The following CYP4F3 variants were observed in gnomAD, a reference collection of about 807,000 sequenced individuals.
The protein encoded by CYP4F3 is cytochrome P450 family 4 subfamily F member 3.
A neutral mutation model predicts 54.8 loss-of-function variants in CYP4F3; 50 were observed. That is an observed-to-expected ratio of 0.91 (90% confidence interval 0.73 to 1.16). The LOEUF (loss-of-function observed/expected upper bound fraction) is 1.16. Among genes scored for constraint, CYP4F3 ranks in the 50% most tolerant of loss-of-function variants. The pLI is 0.00. For synonymous variants in CYP4F3, 244 were observed against 262.6 expected, an observed-to-expected ratio of 0.93 and a Z score of 0.69; for missense variants, 715 against 676.2, an observed-to-expected ratio of 1.06 and a Z score of -0.64.
rs756680758 is a variant in CYP4F3, at chr19:15,658,325, C to T, written c.1177C>T (p.Pro393Ser). The T allele has an allele frequency of 8.1e-6, 13 of 1,614,120 alleles. No homozygotes were observed. The highest frequency in any genetic ancestry group is 1.1e-5 in the South Asian group (1 of 91,086). The change falls in exon 10 of 13, where the codon CCC (proline) becomes TCC (serine). Residue 393 changes from proline (P) to serine (S), a missense_variant. Coordinates refer to ENST00000221307, the MANE Select transcript of CYP4F3 (RefSeq NM_000896.3). The part of the protein sequence containing the change: ...MCIKESLRLH[P>S]PVPAVSRCCT... ...CATTAAGGAGAGCCTGAGGCTGCAT[C>T]CCCCAGTCCCTGCCGTCTCTCGCTG... is the stretch of plus-strand genomic sequence containing the variant.
chr19:15,656,905 A>G (rs540309508), intron 9 of CYP4F3, among the ~76,000 whole-genome samples: 109 of 152,072 alleles, frequency 7.2e-4, no homozygotes, highest in Non-Finnish European at 9.7e-4. Context: ...AGGGTGCCTT[A>G]ATGCTATCTT....
chr19:15,652,464 A>G, intron 7 of CYP4F3, 105 bp from the exon 8 acceptor site: 2 of 1,540,712 alleles, frequency 1.3e-6, no homozygotes, highest in Non-Finnish European at 1.8e-6. Context: ...GTTTCTCGAA[A>G]GAGGATGAAT....
chr19:15,646,199 ATGTAGAGCTGGTCATG>A (rs1972620285), intron 3 of CYP4F3, among the ~76,000 whole-genome samples: 2 of 152,172 alleles, frequency 1.3e-5, no homozygotes, highest in Admixed American at 6.5e-5. Flanking sequence ...AACTGAGGTC[ATGTAGAGCTGGTCATG>A]TGTGGAGTTC....
intron 7 of CYP4F3, among the ~76,000 whole-genome samples, chr19:15,650,660 T>TTTTTTCTTTC: frequency 2.8e-5 from 1 of 35,642 alleles, no homozygotes; most frequent in South Asian, 9.5e-4. Context: ...CCTGCCTTCT[T>TTTTTTCTTTC]TTTCTTTCTT....
At chr19:15,643,414 A>G (rs1012840879) in intron 2 of CYP4F3, among the ~76,000 whole-genome samples, 15 of 121,078 alleles carry the variant, frequency 1.2e-4, no homozygotes, top group Admixed American at 8.9e-4. Context: ...AAATAGATAG[A>G]TAGATAGATA....
chr19:15,653,086 G>A, intron 9 of CYP4F3, 134 bp downstream of exon 9: 1 of 1,352,564 alleles, frequency 7.4e-7, no homozygotes, highest in Admixed American at 2.8e-5. Context: ...GAGGACCACA[G>A]GCAGGACTTA....
intron 2 of CYP4F3, among the ~76,000 whole-genome samples, chr19:15,644,528 C>T (rs988516162): frequency 1.3e-5 from 2 of 152,208 alleles, no homozygotes; most frequent in African/African-American, 2.4e-5. Context: ...AATTGGGCAT[C>T]GTTAGTGTTC....
rs148575704 is a variant in CYP4F3, at chr19:15,645,772, C to T, written c.252C>T (p.Phe84=). The T allele has an allele frequency of 2.3e-5, 37 of 1,614,138 alleles. No individual in the cohort carries two copies. The highest frequency in any genetic ancestry group is 1.6e-4 in the Middle Eastern group (1 of 6,062). Residue 84 remains phenylalanine, a synonymous_variant, in exon 3 of 13, where the codon TTC becomes TTT. Transcript: ENST00000221307. The part of the protein sequence containing the change: ...LLYTQSLACT[F]GDMCCWWVGP... Reference sequence around the variant, plus strand: ...ACACACAAAGCCTGGCATGCACCTTCGGTGATATGTGCTGCTGGTGGGTGG... The same window carrying T: ...ACACACAAAGCCTGGCATGCACCTTTGGTGATATGTGCTGCTGGTGGGTGG...
intron 6 of CYP4F3, 46 bp downstream of exon 6, chr19:15,649,327 G>A: frequency 1.2e-6 from 2 of 1,610,822 alleles, no homozygotes; most frequent in Non-Finnish European, 1.7e-6. Flanking sequence ...TGGACACAAA[G>A]TTGGTAGGTG....
chr19:15,643,748 G>A (rs1402470335), intron 2 of CYP4F3, among the ~76,000 whole-genome samples: 1 of 152,134 alleles, frequency 6.6e-6, no homozygotes, highest in Non-Finnish European at 1.5e-5. Context: ...CACTGGGGAG[G>A]GTGATTCTTC....
At position 15,649,957 on chromosome 19, in the gene CYP4F3, T is replaced by A. The variant is rs769074076; in HGVS notation, c.692T>A (p.Leu231His). 6.2e-7 allele frequency: 1 copy of A among 1,614,158 alleles called. No homozygotes were observed. Among genetic ancestry groups the A allele is most frequent in the Non-Finnish European group, 8.5e-7 (1 of 1,180,024 alleles). ...YIAAILELSALVTKRHQQILL... is the reference protein window; with the variant it reads ...YIAAILELSAHVTKRHQQILL... ...GCCGCCATCTTGGAGCTCAGTGCCC[T>A]TGTGACAAAAAGACACCAGCAGATC... Residue 231 changes from leucine to histidine, a missense_variant, in exon 7 of 13, where the codon CTT becomes CAT. Coordinates refer to ENST00000221307, the MANE Select transcript of CYP4F3 (RefSeq NM_000896.3).
chr19:15,658,939 T>G, intron 12 of CYP4F3, 130 bp downstream of exon 12: 1 of 1,355,774 alleles, frequency 7.4e-7, no homozygotes, highest in Non-Finnish European at 1.0e-6. Context: ...CCTCTGGAGT[T>G]TATGGGAAAA....
chr19:15,650,437 AATCTATATATCTAC>A (rs1972761200), intron 7 of CYP4F3: 2 of 657,620 alleles, frequency 3.0e-6, no homozygotes, highest in Middle Eastern at 6.2e-4. Flanking sequence ...GCCACCTTTT[AATCTATATATCTAC>A]ATCTATACCT....
chr19:15,657,649 A>G (rs1410031672), intron 9 of CYP4F3, among the ~76,000 whole-genome samples: 4 of 118,818 alleles, frequency 3.4e-5, no homozygotes, highest in African/African-American at 1.1e-4. Flanking sequence ...AACTTTACCA[A>G]TAGTACTATT....
At chr19:15,658,425 C>T (rs773434131) in intron 10 of CYP4F3, 28 bp downstream of exon 10, 4 of 1,613,590 alleles carry the variant, frequency 2.5e-6, no homozygotes, top group African/African-American at 1.3e-5. Context: ...GGAGGAGCCT[C>T]CTGGGTAGGA....
Position 15,656,517 on chromosome 19 carries a change from C to G in CYP4F3, c.1116-1747C>G, listed in dbSNP as rs1441600014. On this transcript the variant is annotated intron_variant, in intron 9 of 12. Transcript: ENST00000221307. ...TCTATCTATCTATCTATCTATCTAT[C>G]TATCTATTTCTATCATCTATCAATG... Among the ~76,000 whole-genome samples, 37 of 110,236 alleles carry G rather than the reference C, an allele frequency of 3.4e-4. 1 individual carries two copies. The highest frequency in any genetic ancestry group is 1.2e-3 in the African/African-American group (36 of 30,756). The allele number at this position is 110,236 out of a possible 152,430, so 72.3% of individuals were successfully genotyped here.
At position 15,650,798 on chromosome 19, in the gene CYP4F3, TCTCTCTCTTC is replaced by T; in HGVS notation, c.918+616_918+625del. Among the ~76,000 whole-genome samples, 6 of 25,980 alleles carry T rather than the reference TCTCTCTCTTC, an allele frequency of 2.3e-4. 1 individual carries two copies. The highest frequency in any genetic ancestry group is 4.3e-4 in the Non-Finnish European group (6 of 13,996). The allele number at this position is 25,980 out of a possible 152,430, so 17.0% of individuals were successfully genotyped here. ...TTCGTTCTTTCTTTCTTTCTTTCTT[TCTCTCTCTTC>T]TCTTTCTTTCTTTCTTTCTTTCTTT... On this transcript the variant is annotated intron_variant, in intron 7 of 12. Transcript: ENST00000221307.
At chr19:15,649,481 A>G (rs1972724248) in intron 6 of CYP4F3, among the ~76,000 whole-genome samples, 200 bp downstream of exon 6, 1 of 152,148 alleles carries the variant, frequency 6.6e-6, no homozygotes, top group African/African-American at 2.4e-5. Context: ...GGTGTGGTCA[A>G]AGTGGGTCTC....
chr19:15,650,357 C>G, intron 7 of CYP4F3, 174 bp downstream of exon 7: 1 of 1,247,012 alleles, frequency 8.0e-7, no homozygotes, highest in Non-Finnish European at 1.1e-6. Context: ...CTAGCACCTA[C>G]CAGGGGACTG....
Sources: gnomAD v4.1 joint callset for allele counts (sites outside exome capture counted in the v4.1 genomes callset) on GRCh38, gnomAD v4.1.1 for gene constraint, MANE v1.5 for transcripts, NCBI Gene and HGNC (gene_info 2026-07-23, HGNC 2026-07-21) for gene names.